ANKRD26: variants seen among roughly 807,000 people sequenced by gnomAD.
The protein encoded by ANKRD26 is ankyrin repeat domain-containing protein 26.
ANKRD26 carries 141 observed loss-of-function variants against 208.7 expected under a neutral mutation model. The ratio of observed to expected loss-of-function variants is 0.68; its 90% CI spans 0.59 to 0.78. The LOEUF (loss-of-function observed/expected upper bound fraction) is 0.78. Among genes scored for constraint, ANKRD26 ranks in the 30% least tolerant of loss-of-function variants. The pLI, the probability that ANKRD26 is intolerant of heterozygous loss-of-function variation, is 0.00. For missense variants in ANKRD26, 1,889 were observed against 1,938.7 expected, an observed-to-expected ratio of 0.97 and a Z score of 0.48; for synonymous variants, 636 against 660.4, an observed-to-expected ratio of 0.96 and a Z score of 0.57.
chr10:26,978,437 C>A (rs1241326774), intron 5 of ANKRD26, among the ~76,000 whole-genome samples: 1 of 151,884 alleles, frequency 6.6e-6, no homozygotes, highest in Non-Finnish European at 1.5e-5. Context: ...GCCTAGGTGA[C>A]AGAGTGAGAC....
chr10:27,081,407 C>G (rs993357284), intron 6 of ANKRD26, among the ~76,000 whole-genome samples: 1 of 152,082 alleles, frequency 6.6e-6, no homozygotes, highest in Non-Finnish European at 1.5e-5. Flanking sequence ...ATCCACTCAC[C>G]CTTTCTATTA....
intron 4 of ANKRD26, among the ~76,000 whole-genome samples, chr10:27,087,707 C>T (rs1314175249): frequency 1.3e-5 from 2 of 152,334 alleles, no homozygotes; most frequent in Non-Finnish European, 2.9e-5. Flanking sequence ...TCTACCTCCT[C>T]AAACTCTGAA....
chr10:27,080,496 G>A (rs2055868933), intron 6 of ANKRD26, among the ~76,000 whole-genome samples: 1 of 152,178 alleles, frequency 6.6e-6, no homozygotes, highest in African/African-American at 2.4e-5. Flanking sequence ...TTTCCCTATA[G>A]AGGTCCTGCC....
chr10:27,072,124 G>A (rs1309833582), intron 9 of ANKRD26, among the ~76,000 whole-genome samples: 4 of 152,188 alleles, frequency 2.6e-5, no homozygotes, highest in Non-Finnish European at 4.4e-5. Context: ...TTCCACAGGC[G>A]GATCAGGAGG....
downstream of ANKRD26, among the ~76,000 whole-genome samples, chr10:26,971,076 T>C (rs1330840925): frequency 6.6e-6 from 1 of 152,146 alleles, no homozygotes; most frequent in African/African-American, 2.4e-5. Context: ...TAAAGTGCCC[T>C]ACCAATAAAT....
At position 27,035,521 on chromosome 10, in the gene ANKRD26, G is replaced by A. The variant is rs766543259; in HGVS notation, c.2929C>T (p.Arg977Trp). 29 of 1,613,718 alleles carry A rather than the reference G, an allele frequency of 1.8e-5. No homozygotes were observed. The highest frequency in any genetic ancestry group is 3.3e-5 in the Admixed American group (2 of 59,978). ...LTQTISQYNG[R>W]LSVLTAENAM... is the part of the protein sequence containing the mutation. ...TTCTCAGCTGTCAGAACACTAAGCC[G>A]TCCATTATACTGGGATATTGTTTGT... Residue 977 changes from arginine (R) to tryptophan (W), a missense_variant, in exon 24 of 34, where the codon CGG becomes TGG. Physicochemically the swap from Arg to Trp is moderately radical, Grantham distance 101. This residue lies in a region of ANKRD26 where 1,272 missense variants were observed against 1,273.8 expected (regional missense o/e 1.00). Coordinates refer to ENST00000376087, the MANE Select transcript of ANKRD26 (RefSeq NM_014915.3).
At chr10:27,078,140 A>G (rs959307539) in intron 7 of ANKRD26, among the ~76,000 whole-genome samples, 1 of 152,220 alleles carries the variant, frequency 6.6e-6, no homozygotes, top group African/African-American at 2.4e-5. Context: ...TGTTCTTAGT[A>G]TATTTTATGA....
At chr10:26,948,893 G>A in the ANKRD26 span, among the ~76,000 whole-genome samples, 3 of 152,188 alleles carry the variant, frequency 2.0e-5, no homozygotes, top group African/African-American at 7.2e-5. Context: ...TACTTGGGAG[G>A]CTGAGGCAGG....
chr10:27,011,426 A>G (rs1363500478), intron 32 of ANKRD26, among the ~76,000 whole-genome samples: 1 of 152,136 alleles, frequency 6.6e-6, no homozygotes, highest in Non-Finnish European at 1.5e-5. Flanking sequence ...CACCATTGCA[A>G]CCAGCTTTTG....
Position 27,035,205 on chromosome 10 carries a change from T to C in ANKRD26, c.3245A>G (p.His1082Arg). The change falls in exon 24 of 34, where the codon CAC becomes CGC. Residue 1082 changes from histidine to arginine, a missense_variant. By Grantham distance (29) the His-to-Arg change is conservative. Coordinates refer to ENST00000376087, the MANE Select transcript of ANKRD26 (RefSeq NM_014915.3). ...CTTTTCTCTGAGGGCATCTCTCGTG[T>C]GATGGAACTCAATTTCTAGGCTATT... is the stretch of plus-strand genomic sequence containing the variant. ...KLNSLEIEFH[H>R]TRDALREKTL... The C allele has an allele frequency of 1.2e-6, 2 of 1,614,106 alleles. No individual in the cohort carries two copies. Among genetic ancestry groups the C allele is most frequent in the Non-Finnish European group, 1.7e-6 (2 of 1,179,954 alleles).
chr10:26,959,012 C>A, the ANKRD26 span, among the ~76,000 whole-genome samples: 3 of 151,990 alleles, frequency 2.0e-5, no homozygotes, highest in Non-Finnish European at 2.9e-5. Flanking sequence ...GAGATGGTAT[C>A]TCTTTGTGGT....
intron 25 of ANKRD26, among the ~76,000 whole-genome samples, chr10:27,031,933 G>A: frequency 6.6e-6 from 1 of 152,068 alleles, no homozygotes; most frequent in Non-Finnish European, 1.5e-5. Flanking sequence ...AAATTAATTT[G>A]AAATCCATAA....
intron 15 of ANKRD26, among the ~76,000 whole-genome samples, chr10:27,055,042 C>A (rs1196397859): frequency 6.6e-6 from 1 of 152,084 alleles, no homozygotes; most frequent in Non-Finnish European, 1.5e-5. Flanking sequence ...AAGGATAATG[C>A]AGGCCTAAAC....
chr10:27,017,080 G>A (rs2053320247), intron 30 of ANKRD26, among the ~76,000 whole-genome samples: 1 of 152,104 alleles, frequency 6.6e-6, no homozygotes, highest in Admixed American at 6.5e-5. Flanking sequence ...TGTAGTCCCA[G>A]CTATCCAAAG....
intron 9 of ANKRD26, among the ~76,000 whole-genome samples, chr10:27,067,722 T>C (rs1469499545): frequency 6.6e-6 from 1 of 152,100 alleles, no homozygotes; most frequent in African/African-American, 2.4e-5. Context: ...ACTAGAAATC[T>C]GCCCCTGTGA....
chr10:27,067,892 A>G (rs561453802), intron 9 of ANKRD26, among the ~76,000 whole-genome samples: 2 of 152,372 alleles, frequency 1.3e-5, no homozygotes, highest in South Asian at 2.1e-4. Context: ...AACTAAAAAT[A>G]TAAACAGAAG....
Position 27,060,380 on chromosome 10 carries a change from G to A in ANKRD26, c.1529C>T (p.Ala510Val), listed in dbSNP as rs760679486. The A allele has an allele frequency of 1.3e-5, 21 of 1,612,766 alleles. No individual in the cohort carries two copies. In the East Asian group the frequency reaches 4.2e-4, roughly 33 times the overall value. The stretch of plus-strand genomic sequence containing the variant: ...TGTTTGTACATCCTTCATTCCTCCT[G>A]CTTTATTTGGAACAGAATCTTTCAT... ...IEMKDSVPNK[A>V]GGMKDVQTSK... Residue 510 changes from alanine (A) to valine (V), a missense_variant, in exon 15 of 34, where the codon GCA becomes GTA. Around this residue, in one of 3 missense-constraint regions of ANKRD26, gnomAD observed 1,272 missense variants for 1,273.8 expected, o/e 1.00. Coordinates refer to ENST00000376087, the MANE Select transcript of ANKRD26 (RefSeq NM_014915.3).
chr10:26,955,050 T>C, the ANKRD26 span, among the ~76,000 whole-genome samples: 1 of 151,618 alleles, frequency 6.6e-6, no homozygotes, highest in East Asian at 1.9e-4. Context: ...ATGCATGTGA[T>C]TGTGTGCCTG....
downstream of ANKRD26, among the ~76,000 whole-genome samples, chr10:26,987,769 T>G (rs765328858): frequency 1.1e-4 from 16 of 152,002 alleles, no homozygotes; most frequent in Non-Finnish European, 2.2e-4. Context: ...ACATATTAAG[T>G]ATGATGAGAG....
Sources: allele counts gnomAD v4.1 joint callset (sites outside exome capture counted in the v4.1 genomes callset), GRCh38; gene constraint gnomAD v4.1.1; regional missense constraint gnomAD v4.1.1; transcripts MANE v1.5; gene names NCBI Gene and HGNC (gene_info 2026-07-23, HGNC 2026-07-21).